The following MINDY2 variants were observed in gnomAD, a reference collection of about 807,000 sequenced individuals.
MINDY2 encodes the protein MINDY lysine 48 deubiquitinase 2, also known as ubiquitin carboxyl-terminal hydrolase MINDY-2.
A neutral mutation model predicts 68.2 loss-of-function variants in MINDY2; 52 were observed. The observed-to-expected ratio is 0.76, with a 90% CI of 0.61 to 0.96. The LOEUF (loss-of-function observed/expected upper bound fraction) is 0.96, where lower values mean the gene tolerates loss of function less well. MINDY2 is among the 40% of genes least tolerant of loss of function. The pLI, the probability that MINDY2 is intolerant of heterozygous loss-of-function variation, is 0.00. For missense variants in MINDY2, 881 were observed against 773.4 expected (o/e 1.14, Z -1.65); for synonymous variants, 372 against 303.0 (o/e 1.23, Z -2.36).
At position 58,854,635 on chromosome 15, in the gene MINDY2, A is replaced by G. The variant is rs767615888; in HGVS notation, c.*25A>G. ...ACAAGTGTTGGCTTCTGTTGGAACC[A>G]CCTATATGTCTTGAGAAACAAAACC... On this transcript the variant is annotated 3_prime_UTR_variant, in exon 9 of 9. Transcript: ENST00000559228. 2 of 1,589,008 alleles carry G rather than the reference A, an allele frequency of 1.3e-6. No individual in the cohort carries two copies. Among genetic ancestry groups the G allele is most frequent in the Admixed American group, 1.7e-5 (1 of 58,086 alleles).
In MINDY2 at chr15:58,771,338, G is replaced by A. The variant is rs773144943; in HGVS notation, c.-58G>A. ...CAATACAGCTGTCATGGCGTCCAAG[G>A]CGCTGGCTGCGGAGAAGTGGCCGCG... On this transcript the variant is annotated 5_prime_UTR_variant, in exon 1 of 9. Coordinates refer to ENST00000559228, the MANE Select transcript of MINDY2 (RefSeq NM_001040450.3). 28 of 1,552,484 alleles carry A rather than the reference G, an allele frequency of 1.8e-5. No individual in the cohort carries two copies. The highest frequency in any genetic ancestry group is 2.1e-5 in the Non-Finnish European group (24 of 1,151,854).
intron 1 of MINDY2, among the ~76,000 whole-genome samples, chr15:58,774,492 G>GAAAAAAAAAAAAAAAAAAAAA: frequency 1.1e-5 from 1 of 92,828 alleles, no homozygotes; most frequent in Non-Finnish European, 2.3e-5. Flanking sequence ...CCCAAAAAAA[G>GAAAAAAAAAAAAAAAAAAAAA]AAAAAAAAAA....
chr15:58,773,368 C>G (rs1478869956), intron 1 of MINDY2, among the ~76,000 whole-genome samples: 1 of 152,170 alleles, frequency 6.6e-6, no homozygotes, highest in Non-Finnish European at 1.5e-5. Context: ...TCAAACATGC[C>G]TTTATCTTCC....
At chr15:58,790,792 A>G (rs943026196) in intron 2 of MINDY2, among the ~76,000 whole-genome samples, 1 of 152,102 alleles carries the variant, frequency 6.6e-6, no homozygotes, top group African/African-American at 2.4e-5. Context: ...AAGTAGAAGG[A>G]TGGAAATAGG....
chr15:58,783,380 T>A (rs1901283892), intron 1 of MINDY2, among the ~76,000 whole-genome samples: 1 of 152,214 alleles, frequency 6.6e-6, no homozygotes, highest in Admixed American at 6.5e-5. Flanking sequence ...AAACATTATT[T>A]GGCTAGTAGT....
rs537825104 is a variant in MINDY2, at chr15:58,856,745, T to C, written c.*2135T>C. The C allele has an allele frequency of 4.6e-5, 7 of 152,320 alleles. No individual in the cohort carries two copies. Among genetic ancestry groups the C allele is most frequent in the African/African-American group, 1.2e-4 (5 of 41,556 alleles). The allele number at this position is 152,320 out of a possible 1,614,324, so 9.4% of individuals were successfully genotyped here. On this transcript the variant is annotated 3_prime_UTR_variant, in exon 9 of 9. Transcript: ENST00000559228. ...CAGGGTTTGTTTTTCCCGGGACAGA[T>C]AGTAGTGATAGTGCATTATATTTGA...
rs755308950 is a variant in MINDY2, at chr15:58,772,095, A to T, written c.700A>T (p.Lys234Ter). The T allele has an allele frequency of 2.5e-6, 4 of 1,613,816 alleles. No individual in the cohort carries two copies. Among genetic ancestry groups the T allele is most frequent in the East Asian group, 2.2e-5 (1 of 44,882 alleles). Reference sequence around the variant, plus strand: ...GACCGCTCAGGTGCTGGCGGCCTCCAAGGAACGCTTCCCGGGACAATCTGT... The same window carrying T: ...GACCGCTCAGGTGCTGGCGGCCTCCTAGGAACGCTTCCCGGGACAATCTGT... ...EETAQVLAAS[K>*]ERFPGQSVYH... is the part of the protein sequence containing the mutation. The change falls in exon 1 of 9, where the codon AAG (lysine) becomes TAG (stop). Residue 234 changes from lysine to a stop codon, truncating the protein, a stop_gained. Coordinates refer to ENST00000559228, the MANE Select transcript of MINDY2 (RefSeq NM_001040450.3). LOFTEE classifies it high-confidence loss of function.
At chr15:58,854,316 C>A (rs2032974907) in intron 8 of MINDY2, among the ~76,000 whole-genome samples, 166 bp from the exon 9 acceptor site, 1 of 151,910 alleles carries the variant, frequency 6.6e-6, no homozygotes, top group Admixed American at 6.6e-5. Context: ...AGAATGGTAG[C>A]GGTAATGGCT....
chr15:58,833,039 A>G (rs1282347654), intron 6 of MINDY2, among the ~76,000 whole-genome samples: 2 of 152,112 alleles, frequency 1.3e-5, no homozygotes, highest in Non-Finnish European at 2.9e-5. Context: ...TCTGTCAAAA[A>G]CATTTACTGT....
Position 58,860,681 on chromosome 15 carries a change from G to A in MINDY2, c.*6071G>A, listed in dbSNP as rs573474714. The A allele has an allele frequency of 1.3e-5, 2 of 151,568 alleles. No homozygotes were observed. The highest frequency in any genetic ancestry group is 4.9e-5 in the African/African-American group (2 of 41,220). The allele number at this position is 151,568 out of a possible 1,614,324, so 9.4% of individuals were successfully genotyped here. Reference sequence around the variant, plus strand: ...TGTAACTGAAATACCTTACAAAGCAGTTCTAACTAATGCAATGTGTTTTTT... The same window carrying A: ...TGTAACTGAAATACCTTACAAAGCAATTCTAACTAATGCAATGTGTTTTTT... On this transcript the variant is annotated 3_prime_UTR_variant, in exon 9 of 9. Coordinates refer to ENST00000559228, the MANE Select transcript of MINDY2 (RefSeq NM_001040450.3).
intron 6 of MINDY2, among the ~76,000 whole-genome samples, chr15:58,837,400 C>G (rs2032044768): frequency 6.6e-6 from 1 of 151,990 alleles, no homozygotes. Context: ...TAGGAAGACC[C>G]CATCTCAACA....
chr15:58,832,088 A>G (rs1238560859), intron 6 of MINDY2, among the ~76,000 whole-genome samples, 172 bp downstream of exon 6: 1 of 152,184 alleles, frequency 6.6e-6, no homozygotes, highest in Non-Finnish European at 1.5e-5. Context: ...TGGATTAACA[A>G]TTGAAGCATT....
rs1355568170 is a variant in MINDY2, at chr15:58,857,663, A to G, written c.*3053A>G. The G allele has an allele frequency of 6.6e-6, 1 of 152,118 alleles. No individual in the cohort carries two copies. Among genetic ancestry groups the G allele is most frequent in the African/African-American group, 2.4e-5 (1 of 41,448 alleles). The allele number at this position is 152,118 out of a possible 1,614,324, so 9.4% of individuals were successfully genotyped here. The stretch of plus-strand genomic sequence containing the variant: ...CATAGGATTTTGAAAGTGGTATATT[A>G]AAGTCTTTCCTTCCAAGTATTTTGT... On this transcript the variant is annotated 3_prime_UTR_variant, in exon 9 of 9. Transcript: ENST00000559228.
chr15:58,846,071 G>A (rs637918), intron 6 of MINDY2, among the ~76,000 whole-genome samples: 28,495 of 149,974 alleles, frequency 0.19, 2,953 homozygotes, highest in South Asian at 0.37. Context: ...GAGGCAGGCA[G>A]GATGGATGGT....
chr15:58,832,019 T>G, intron 6 of MINDY2, 103 bp downstream of exon 6: 5 of 1,017,320 alleles, frequency 4.9e-6, no homozygotes, highest in Non-Finnish European at 6.8e-6. Context: ...TAGCGTAATA[T>G]TTCTTAACCA....
rs565866026 is a variant in MINDY2 at position 58,812,277 on chromosome 15, A to G, written c.1122+1889A>G. Among the ~76,000 whole-genome samples, 5 of 152,088 alleles carry G rather than the reference A, an allele frequency of 3.3e-5. No individual in the cohort carries two copies. In the East Asian group the frequency reaches 5.8e-4, roughly 18 times the overall value. The stretch of plus-strand genomic sequence containing the variant: ...ATGGTGAAACCCTGTGTCTACTAAA[A>G]AATACAAAAATTAGTCGGGTGCAGT... On this transcript the variant is annotated intron_variant, in intron 4 of 8. Coordinates refer to ENST00000559228, the MANE Select transcript of MINDY2 (RefSeq NM_001040450.3).
intron 1 of MINDY2, among the ~76,000 whole-genome samples, chr15:58,781,896 C>T (rs1203928950): frequency 5.3e-5 from 8 of 149,620 alleles, no homozygotes; most frequent in African/African-American, 2.0e-4. Context: ...AGCGAGACTC[C>T]ATCTCAAAAA....
Position 58,802,295 on chromosome 15 carries a change from C to CTTTT in MINDY2, c.899-8_899-5dup. 3 of 1,305,684 alleles carry CTTTT rather than the reference C, an allele frequency of 2.3e-6. No individual in the cohort carries two copies. Among genetic ancestry groups the CTTTT allele is most frequent in the Non-Finnish European group, 3.1e-6 (3 of 953,632 alleles). 80.9% of individuals were successfully genotyped at this position (1,305,684 alleles called of 1,614,324 possible). ...GTTTTTAAAAGGCAATTTTACAATT[C>CTTTT]TTTTTTTTTTTTTACAGGAGATTAC... On this transcript the variant is annotated splice_polypyrimidine_tract_variant and intron_variant, in intron 2 of 8. Transcript: ENST00000559228.
At chr15:58,825,790 G>A (rs1261396390) in intron 5 of MINDY2, among the ~76,000 whole-genome samples, 2 of 152,096 alleles carry the variant, frequency 1.3e-5, no homozygotes, top group Non-Finnish European at 2.9e-5. Context: ...ATTTTTAGGT[G>A]AGACAGGGTT....
Sources: gnomAD v4.1 joint callset for allele counts (sites outside exome capture counted in the v4.1 genomes callset) on GRCh38, gnomAD v4.1.1 for gene constraint, MANE v1.5 for transcripts, NCBI Gene and HGNC (gene_info 2026-07-23, HGNC 2026-07-21) for gene names.